Variants in ALG13 observed in about 807,000 individuals in gnomAD.
ALG13 encodes the protein ALG13 UDP-N-acetylglucosaminyltransferase subunit.
ALG13 carries 11 observed loss-of-function variants against 87.8 expected under a neutral mutation model. The observed-to-expected ratio is 0.13, with a 90% confidence interval of 0.08 to 0.21. The LOEUF is 0.21. Ranked by LOEUF, ALG13 falls within the 10% of genes least tolerant of loss-of-function variation. ALG13 has a pLI of 1.00. For synonymous variants in ALG13, 320 were observed against 306.3 expected (o/e 1.04, Z -0.47); for missense variants, 756 against 866.1 (o/e 0.87, Z 1.60).
intron 1 of ALG13, 74 bp from the exon 2 acceptor site, chrX:111,682,058 G>GT: frequency 1.0e-6 from 1 of 986,261 alleles, no homozygotes; most frequent in African/African-American, 2.0e-5. Flanking sequence ...TCAAACTTTA[G>GT]TAGTGGTGGT....
At chrX:111,719,025 CTTTT>C (rs1174274292) in intron 10 of ALG13, among the ~76,000 whole-genome samples, 1 of 82,439 alleles carries the variant, frequency 1.2e-5, no homozygotes. Flanking sequence ...AATTTTTTTT[CTTTT>C]TTTTTTTTTT....
In ALG13 at chrX:111,759,720, A is replaced by G. The variant is rs1021130052; in HGVS notation, c.3149-14A>G. The G allele has an allele frequency of 6.7e-6, 8 of 1,191,230 alleles. No individual in the cohort carries two copies. The highest frequency in any genetic ancestry group is 9.1e-6 in the Non-Finnish European group (8 of 883,052). Reference sequence around the variant, plus strand: ...TTTGTATATAAAGTAGACTGTATACATCCTTTCTTTCAGATACTTTTCCGA... The same window carrying G: ...TTTGTATATAAAGTAGACTGTATACGTCCTTTCTTTCAGATACTTTTCCGA... On this transcript the variant is annotated splice_polypyrimidine_tract_variant and intron_variant, in intron 26 of 26. Transcript: ENST00000394780.
At chrX:111,703,795 TTG>T (rs1300815424) in intron 3 of ALG13, among the ~76,000 whole-genome samples, 2 of 112,267 alleles carry the variant, frequency 1.8e-5, no homozygotes, top group Non-Finnish European at 3.8e-5. Flanking sequence ...GTTTCCAGTT[TTG>T]AGAGCTCATG....
chrX:111,745,553 C>G (rs189747149), intron 24 of ALG13, among the ~76,000 whole-genome samples: 28 of 109,839 alleles, frequency 2.5e-4, no homozygotes, highest in Admixed American at 5.9e-4. Flanking sequence ...TTTTCCAACC[C>G]CTAATCACCA....
At chrX:111,734,293 A>G (rs1943019063) in intron 21 of ALG13, 2 of 112,798 alleles carry the variant, frequency 1.8e-5, no homozygotes, top group South Asian at 7.3e-4. Context: ...TAACACTCAA[A>G]TAAATGTTTC....
intron 8 of ALG13, among the ~76,000 whole-genome samples, chrX:111,714,768 A>C (rs1389367470): frequency 9.0e-6 from 1 of 111,552 alleles, no homozygotes; most frequent in African/African-American, 3.3e-5. Flanking sequence ...TCATCTGTCC[A>C]TCTTTCTTTT....
At chrX:111,706,003 G>T (rs1744274170) in intron 3 of ALG13, among the ~76,000 whole-genome samples, 1 of 109,467 alleles carries the variant, frequency 9.1e-6, no homozygotes, top group Non-Finnish European at 1.9e-5. Flanking sequence ...AAGCATTTGT[G>T]TTTTTCTTTA....
At chrX:111,730,247 G>A in intron 19 of ALG13, 148 bp from the exon 20 acceptor site, 1 of 486,241 alleles carries the variant, frequency 2.1e-6, no homozygotes, top group Non-Finnish European at 3.6e-6. Flanking sequence ...TAGTGTGAAA[G>A]CTCATATCAC....
At position 111,726,836 on chromosome X, in the gene ALG13, A is replaced by G. The variant is rs1942104973; in HGVS notation, c.1757A>G (p.Gln586Arg). 2 of 1,211,264 alleles carry G rather than the reference A, an allele frequency of 1.7e-6. No individual in the cohort carries two copies. The highest frequency in any genetic ancestry group is 2.2e-6 in the Non-Finnish European group (2 of 895,191). The change falls in exon 16 of 27, where the codon CAG (glutamine) becomes CGG (arginine). Residue 586 changes from glutamine to arginine, a missense_variant. Coordinates refer to ENST00000394780, the MANE Select transcript of ALG13 (RefSeq NM_001099922.3). ...ATATCAGAGATGGACATAAAGCAAC[A>G]GAAGAAGATGTTCAAGAAAATTCGA... ...IVISEMDIKQ[Q>R]KKMFKKIRGK...
At chrX:111,701,195 G>T (rs1786146403) in intron 3 of ALG13, among the ~76,000 whole-genome samples, 1 of 111,662 alleles carries the variant, frequency 9.0e-6, no homozygotes, top group Non-Finnish European at 1.9e-5. Context: ...TCCTTGTCTG[G>T]CTTTGGTATC....
chrX:111,685,698 T>G (rs889394670), intron 3 of ALG13, among the ~76,000 whole-genome samples: 3 of 111,989 alleles, frequency 2.7e-5, no homozygotes, highest in Non-Finnish European at 3.8e-5. Flanking sequence ...ATGAAGAAAG[T>G]AAGACAGGGT....
chrX:111,684,318 CT>C (rs1255719943), intron 2 of ALG13, among the ~76,000 whole-genome samples: 4 of 105,425 alleles, frequency 3.8e-5, no homozygotes, highest in African/African-American at 1.0e-4. Context: ...TTTTCAACTG[CT>C]TTTTTTTTTC....
At chrX:111,714,868 G>A (rs1437137414) in intron 8 of ALG13, among the ~76,000 whole-genome samples, 1 of 112,191 alleles carries the variant, frequency 8.9e-6, no homozygotes, top group African/African-American at 3.2e-5. Flanking sequence ...GACATAATCT[G>A]AATTGTTTGA....
At chrX:111,720,067 G>T in intron 10 of ALG13, 28 bp from the exon 11 acceptor site, 1 of 1,076,548 alleles carries the variant, frequency 9.3e-7, no homozygotes. Context: ...TTTATAAAAA[G>T]CTCTTTGCTC....
chrX:111,726,037 G>A (rs1941965857), intron 15 of ALG13, among the ~76,000 whole-genome samples: 1 of 111,301 alleles, frequency 9.0e-6, no homozygotes, highest in African/African-American at 3.3e-5. Context: ...TCCACCTCCC[G>A]GGTTCACGCC....
chrX:111,732,359 C>A (rs1942789624), intron 21 of ALG13, among the ~76,000 whole-genome samples: 1 of 112,107 alleles, frequency 8.9e-6, no homozygotes, highest in African/African-American at 3.2e-5. Flanking sequence ...AACAACCCCC[C>A]AAAATCTCAG....
rs56717389 is a variant in ALG13, at chrX:111,744,768, A to ACCTCCTCCT, written c.2827_2835dup (p.Pro943_Pro945dup). On this transcript the variant is annotated inframe_insertion, in exon 24 of 27. Coordinates refer to ENST00000394780, the MANE Select transcript of ALG13 (RefSeq NM_001099922.3). ...CACCACCACCACCACCACCACCACCACCTCCTCCTCCTCCTCCTCCTCCTC... is the reference window on the plus strand; with the variant it reads ...CACCACCACCACCACCACCACCACCACCTCCTCCTCCTCCTCCTCCTCCTCCTCCTCCTC... 24 of 594,504 alleles carry ACCTCCTCCT rather than the reference A, an allele frequency of 4.0e-5. No individual in the cohort carries two copies. Among genetic ancestry groups the ACCTCCTCCT allele is most frequent in the East Asian group, 6.0e-5 (1 of 16,592 alleles). The allele number at this position is 594,504 out of a possible 1,213,427, so 49.0% of individuals were successfully genotyped here.
At chrX:111,691,380 C>A (rs756191887) in intron 3 of ALG13, among the ~76,000 whole-genome samples, 2 of 111,641 alleles carry the variant, frequency 1.8e-5, no homozygotes, top group Non-Finnish European at 3.8e-5. Flanking sequence ...GGATTACAGG[C>A]GTGAGCCACC....
intron 24 of ALG13, among the ~76,000 whole-genome samples, chrX:111,747,386 G>A (rs1944338163): frequency 8.9e-6 from 1 of 112,168 alleles, no homozygotes; most frequent in South Asian, 3.7e-4. Context: ...ATCATTATCT[G>A]AATGTACCAC....
Sources: allele counts gnomAD v4.1 joint callset (sites outside exome capture counted in the v4.1 genomes callset), GRCh38; gene constraint gnomAD v4.1.1; transcripts MANE v1.5; gene names NCBI Gene and HGNC (gene_info 2026-07-23, HGNC 2026-07-21).